SH3GL3: variants seen among roughly 807,000 people sequenced by gnomAD.
SH3GL3 encodes the protein endophilin-A3.
Under a neutral mutation model 47.7 loss-of-function variants are expected in SH3GL3, and 33 were observed. The observed-to-expected ratio is 0.69, with a 90% CI of 0.52 to 0.92. The LOEUF (loss-of-function observed/expected upper bound fraction) is 0.92. Among genes scored for constraint, SH3GL3 ranks in the 40% least tolerant of loss-of-function variants. The pLI is 0.00. For synonymous variants in SH3GL3, 155 were observed against 148.8 expected (o/e 1.04, Z -0.30); for missense variants, 363 against 417.8 (o/e 0.87, Z 1.14).
At chr15:83,502,160 C>T (rs2042323480) in intron 1 of SH3GL3, among the ~76,000 whole-genome samples, 1 of 152,218 alleles carries the variant, frequency 6.6e-6, no homozygotes, top group African/African-American at 2.4e-5. Context: ...ATAGCCTTTA[C>T]CCAAGGGTCT....
At chr15:83,545,056 A>T (rs2044333756) in intron 1 of SH3GL3, among the ~76,000 whole-genome samples, 1 of 152,066 alleles carries the variant, frequency 6.6e-6, no homozygotes, top group African/African-American at 2.4e-5. Context: ...TTGAATATTG[A>T]CATCTTTCTC....
At chr15:83,496,061 C>A (rs549216086) in intron 1 of SH3GL3, among the ~76,000 whole-genome samples, 2 of 151,892 alleles carry the variant, frequency 1.3e-5, no homozygotes, top group South Asian at 4.2e-4. Context: ...AATTTAATGT[C>A]ATTAAAAAAC....
At chr15:83,481,525 T>C (rs2041357461) in intron 1 of SH3GL3, among the ~76,000 whole-genome samples, 1 of 152,200 alleles carries the variant, frequency 6.6e-6, no homozygotes, top group Non-Finnish European at 1.5e-5. Context: ...ACTTTATTTG[T>C]ACTTGACTTG....
chr15:83,592,679 TGAG>T (rs2151815441), intron 8 of SH3GL3, among the ~76,000 whole-genome samples: 1 of 152,360 alleles, frequency 6.6e-6, no homozygotes, highest in East Asian at 1.9e-4. Context: ...TTAAGCTCGC[TGAG>T]GAATCTTTTA....
intron 1 of SH3GL3, among the ~76,000 whole-genome samples, chr15:83,523,613 G>A (rs948959125): frequency 6.6e-6 from 1 of 152,308 alleles, no homozygotes; most frequent in East Asian, 1.9e-4. Context: ...TGAGATTGGG[G>A]AGCTTTTCTG....
intron 1 of SH3GL3, among the ~76,000 whole-genome samples, chr15:83,504,453 G>C (rs145229669): frequency 6.6e-6 from 1 of 152,318 alleles, no homozygotes; most frequent in East Asian, 1.9e-4. Flanking sequence ...GAAACAGTGC[G>C]ATGTTGTATT....
At chr15:83,584,803 G>A (rs2059917335) in intron 6 of SH3GL3, among the ~76,000 whole-genome samples, 1 of 152,174 alleles carries the variant, frequency 6.6e-6, no homozygotes, top group Non-Finnish European at 1.5e-5. Flanking sequence ...ACCCGGAAGT[G>A]GAATTAAACC....
intron 1 of SH3GL3, among the ~76,000 whole-genome samples, chr15:83,553,755 C>G (rs2044785006): frequency 6.6e-6 from 1 of 152,192 alleles, no homozygotes; most frequent in Non-Finnish European, 1.5e-5. Context: ...ACTCAACACC[C>G]TTCCCCATTT....
At position 83,568,515 on chromosome 15, in the gene SH3GL3, A is replaced by T. The variant is rs375925527; in HGVS notation, c.188-14A>T. 311 of 1,608,184 alleles carry T rather than the reference A, an allele frequency of 1.9e-4. No individual in the cohort carries two copies. Among genetic ancestry groups the T allele is most frequent in the Non-Finnish European group, 2.5e-4 (297 of 1,175,538 alleles). ...TTGTAACTTTAAAGAATTACAAATG[A>T]CAATGTTTTTAAGCATACAGAGCTA... On this transcript the variant is annotated splice_polypyrimidine_tract_variant and intron_variant, in intron 3 of 8. Transcript: ENST00000427482.
chr15:83,540,329 CTGAT>C (rs891719495), intron 1 of SH3GL3, among the ~76,000 whole-genome samples: 6 of 152,064 alleles, frequency 3.9e-5, no homozygotes, highest in African/African-American at 1.2e-4. Flanking sequence ...TGTTAATCTA[CTGAT>C]TGTTTTCGTC....
chr15:83,505,301 T>A (rs2042452627), intron 1 of SH3GL3, among the ~76,000 whole-genome samples: 1 of 152,122 alleles, frequency 6.6e-6, no homozygotes, highest in African/African-American at 2.4e-5. Context: ...TACTAGATAA[T>A]GGCCAAACCT....
chr15:83,545,950 T>C (rs975393133), intron 1 of SH3GL3, among the ~76,000 whole-genome samples: 1 of 152,172 alleles, frequency 6.6e-6, no homozygotes, highest in African/African-American at 2.4e-5. Context: ...CCTGTGACCA[T>C]CACTGCTGAG....
intron 1 of SH3GL3, among the ~76,000 whole-genome samples, chr15:83,528,210 T>C (rs912033833): frequency 6.6e-6 from 1 of 152,200 alleles, no homozygotes; most frequent in Non-Finnish European, 1.5e-5. Flanking sequence ...CTAGATGCTT[T>C]TCTCTTGATG....
intron 6 of SH3GL3, among the ~76,000 whole-genome samples, chr15:83,582,121 T>C (rs1375405193): frequency 2.0e-5 from 3 of 152,250 alleles, no homozygotes; most frequent in Non-Finnish European, 4.4e-5. Flanking sequence ...ATATCACCCA[T>C]AGGCTTGTTA....
rs1000937006 is a variant in SH3GL3, at chr15:83,533,035, T to A, written c.46-26218T>A. Among the ~76,000 whole-genome samples the A allele has an allele frequency of 2.5e-4, 38 of 152,302 alleles. No homozygotes were observed. In the East Asian group the frequency reaches 7.1e-3, roughly 29 times the overall value. On this transcript the variant is annotated intron_variant, in intron 1 of 8. Coordinates refer to ENST00000427482, the MANE Select transcript of SH3GL3 (RefSeq NM_003027.5). ...CTGGGCTGGGCCCATTGACACTGTA[T>A]GCAAAATTTGGGTTCTGTTAGTGAG... is the stretch of plus-strand genomic sequence containing the variant.
intron 1 of SH3GL3, among the ~76,000 whole-genome samples, chr15:83,558,788 G>T (rs1014921419): frequency 1.3e-5 from 2 of 152,076 alleles, no homozygotes; most frequent in African/African-American, 2.4e-5. Flanking sequence ...AACACATCCC[G>T]CATGAACCTA....
intron 1 of SH3GL3, among the ~76,000 whole-genome samples, chr15:83,457,801 AT>A (rs1182284432): frequency 5.3e-5 from 8 of 152,224 alleles, no homozygotes; most frequent in Non-Finnish European, 1.0e-4. Context: ...GATGTTTAAA[AT>A]GGATTGATTT....
intron 1 of SH3GL3, among the ~76,000 whole-genome samples, chr15:83,463,504 G>A (rs377375680): frequency 6.6e-6 from 1 of 152,014 alleles, no homozygotes; most frequent in African/African-American, 2.4e-5. Flanking sequence ...TTATAGTCTG[G>A]GCAGATTATA....
At position 83,447,343 on chromosome 15, in the gene SH3GL3, T is replaced by G. The variant is rs1378603513; in HGVS notation, c.-191T>G. ...GCTGCGCAGGGGCTTTGGAACGCAG[T>G]GTTGCCATCGGCGTGCGCGCGTGTG... On this transcript the variant is annotated 5_prime_UTR_variant, in exon 1 of 9. Transcript: ENST00000427482. This position sits in a 1 kb window ranked among gnomAD's most constrained non-coding sequence, Gnocchi z 5.1. The G allele has an allele frequency of 2.8e-6, 1 of 356,874 alleles. No individual in the cohort carries two copies. Among genetic ancestry groups the G allele is most frequent in the African/African-American group, 2.2e-5 (1 of 46,162 alleles). The allele number at this position is 356,874 out of a possible 1,614,324, so 22.1% of individuals were successfully genotyped here.
Sources: gnomAD v4.1 joint callset for allele counts (sites outside exome capture counted in the v4.1 genomes callset) on GRCh38, gnomAD v4.1.1 for gene constraint, Gnocchi (gnomAD v3.1) non-coding constraint, MANE v1.5 for transcripts, NCBI Gene and HGNC (gene_info 2026-07-23, HGNC 2026-07-21) for gene names.